SEMA4D: variants seen among roughly 807,000 people sequenced by gnomAD.
The protein encoded by SEMA4D is semaphorin 4D, also known as semaphorin-4D.
In SEMA4D, 22 loss-of-function variants were observed where a neutral mutation model predicts 74.8. That is an observed-to-expected ratio of 0.29 (90% CI 0.21 to 0.42). The LOEUF (loss-of-function observed/expected upper bound fraction) is 0.42. SEMA4D is among the 10% of genes least tolerant of loss of function. The pLI, the probability that SEMA4D is intolerant of heterozygous loss-of-function variation, is 1.00. For missense variants in SEMA4D, 937 were observed against 1,118.4 expected (o/e 0.84, Z 2.31); for synonymous variants, 445 against 463.7 (o/e 0.96, Z 0.52).
chr9:89,460,077 G>A (rs959792782), intron 1 of SEMA4D, among the ~76,000 whole-genome samples: 2 of 152,020 alleles, frequency 1.3e-5, no homozygotes, highest in African/African-American at 2.4e-5. Context: ...ACCCACCAAC[G>A]CCTGCTCTGT....
chr9:89,489,857 A>T (rs536684585), intron 1 of SEMA4D, among the ~76,000 whole-genome samples: 1 of 152,316 alleles, frequency 6.6e-6, no homozygotes, highest in East Asian at 1.9e-4. Flanking sequence ...TCTTTTAGGT[A>T]TATACGTAGG....
exon 19 of SEMA4D, chr9:89,361,936 A>G (rs73502347): frequency 0.012 from 2,128 of 175,936 alleles, 44 homozygotes; most frequent in African/African-American, 0.047. Context: ...GATTTGCATC[A>G]ATAAAAGCAG....
intron 2 of SEMA4D, among the ~76,000 whole-genome samples, chr9:89,408,236 T>C (rs1040856967): frequency 1.3e-5 from 2 of 152,238 alleles, no homozygotes; most frequent in African/African-American, 4.8e-5. Context: ...ATGGAGCTCC[T>C]GCTAAGCCTG....
chr9:89,383,990 G>A (rs528101751), intron 13 of SEMA4D, among the ~76,000 whole-genome samples: 2 of 152,252 alleles, frequency 1.3e-5, no homozygotes, highest in East Asian at 3.9e-4. Context: ...TTGGAGTGAC[G>A]GTGGACGTGA....
At chr9:89,366,803 A>G (rs577559574) in intron 16 of SEMA4D, among the ~76,000 whole-genome samples, 5 of 152,312 alleles carry the variant, frequency 3.3e-5, no homozygotes. Flanking sequence ...AGTGAGTTCT[A>G]TAAAAGCCCG....
At chr9:89,391,160 G>T in intron 9 of SEMA4D, 104 bp downstream of exon 9, 1 of 1,140,452 alleles carries the variant, frequency 8.8e-7, no homozygotes, top group Non-Finnish European at 1.3e-6. Flanking sequence ...GGAATAAAGT[G>T]CTAGGGAAAG....
intron 2 of SEMA4D, among the ~76,000 whole-genome samples, chr9:89,424,676 C>A (rs1847733987): frequency 6.6e-6 from 1 of 151,982 alleles, no homozygotes; most frequent in Admixed American, 6.6e-5. Context: ...CACCCTCTTC[C>A]TGCCCTCCCC....
intron 11 of SEMA4D, 27 bp downstream of exon 11, chr9:89,388,609 C>T (rs773556917): frequency 1.1e-5 from 17 of 1,581,542 alleles, no homozygotes; most frequent in African/African-American, 1.4e-5. Flanking sequence ...AGGGAAAGCA[C>T]GGCCCGCCCC....
intron 1 of SEMA4D, among the ~76,000 whole-genome samples, chr9:89,468,287 A>G (rs1376503148): frequency 6.6e-6 from 1 of 152,230 alleles, no homozygotes; most frequent in Admixed American, 6.5e-5. Context: ...GTGAAGCAAA[A>G]CTAATCTCAC....
At chr9:89,399,244 G>A (rs771835643) in intron 5 of SEMA4D, 32 bp downstream of exon 5, 14 of 1,577,214 alleles carry the variant, frequency 8.9e-6, no homozygotes, top group Non-Finnish European at 1.2e-5. Flanking sequence ...ATACTTGAAT[G>A]GGATTCTTTG....
At position 89,430,248 on chromosome 9, in the gene SEMA4D, C is replaced by A. The variant is rs965745990; in HGVS notation, c.-243-24549G>T. ...ACTCTCCCACTTGGGGCCAGAAACT[C>A]CAAGCATCTGTCCCTGCTCCCCAGC... On this transcript the variant is annotated intron_variant, in intron 2 of 15. Transcript: ENST00000422704. Among the ~76,000 whole-genome samples the A allele has an allele frequency of 4.6e-5, 7 of 152,160 alleles. No homozygotes were observed. In the East Asian group the frequency reaches 1.3e-3, roughly 29 times the overall value.
intron 1 of SEMA4D, among the ~76,000 whole-genome samples, chr9:89,481,130 T>C (rs1022723383): frequency 6.6e-6 from 1 of 152,032 alleles, no homozygotes; most frequent in Non-Finnish European, 1.5e-5. Flanking sequence ...TGGCAGCAGA[T>C]TGAGTGGACC....
At chr9:89,366,174 C>G (rs1045363544) in intron 16 of SEMA4D, among the ~76,000 whole-genome samples, 4 of 152,172 alleles carry the variant, frequency 2.6e-5, no homozygotes, top group African/African-American at 9.7e-5. Flanking sequence ...GAAACAATAT[C>G]TAGGAATGTG....
intron 2 of SEMA4D, among the ~76,000 whole-genome samples, chr9:89,414,006 T>C (rs1351624576): frequency 6.6e-6 from 1 of 152,204 alleles, no homozygotes; most frequent in Non-Finnish European, 1.5e-5. Flanking sequence ...GCAAGTGTCC[T>C]GTAAGGCAGG....
chr9:89,491,675 G>A (rs2136276289), intron 1 of SEMA4D, among the ~76,000 whole-genome samples: 1 of 152,294 alleles, frequency 6.6e-6, no homozygotes, highest in Non-Finnish European at 1.5e-5. Context: ...AATGCCGCTG[G>A]TGCGGGGACC....
chr9:89,389,388 C>A (rs373543789), intron 9 of SEMA4D, among the ~76,000 whole-genome samples: 1 of 152,222 alleles, frequency 6.6e-6, no homozygotes, highest in Non-Finnish European at 1.5e-5. Context: ...TTCCAACTGC[C>A]AAGGCCCCTG....
intron 1 of SEMA4D, among the ~76,000 whole-genome samples, chr9:89,460,857 A>G (rs968861494): frequency 6.6e-5 from 10 of 152,218 alleles, no homozygotes; most frequent in Non-Finnish European, 1.2e-4. Flanking sequence ...GGCAGGGCTT[A>G]GCAGGGCCAG....
chr9:89,418,385 G>A, intron 2 of SEMA4D: 1 of 985,428 alleles, frequency 1.0e-6, no homozygotes. Context: ...ATGAGCCCCA[G>A]GACCCGACCA....
At chr9:89,383,869 G>A (rs1004706125) in intron 13 of SEMA4D, among the ~76,000 whole-genome samples, 2 of 152,096 alleles carry the variant, frequency 1.3e-5, no homozygotes, top group African/African-American at 2.4e-5. Flanking sequence ...GCCCCTCGAC[G>A]CCCCCTGTCT....
Sources: gnomAD v4.1 joint callset for allele counts (sites outside exome capture counted in the v4.1 genomes callset) on GRCh38, gnomAD v4.1.1 for gene constraint, MANE v1.5 for transcripts, NCBI Gene and HGNC (gene_info 2026-07-23, HGNC 2026-07-21) for gene names.